The following DCAF8L2 variants were observed in gnomAD, a reference collection of about 807,000 sequenced individuals.
The protein encoded by DCAF8L2 is DDB1 and CUL4 associated factor 8 like 2.
For missense variants in DCAF8L2, 430 were observed against 490.7 expected (o/e 0.88, Z 1.17); for synonymous variants, 200 against 190.9 (o/e 1.05, Z -0.39).
At chrX:27,644,603 C>T (rs949408447) in intron 2 of DCAF8L2, among the ~76,000 whole-genome samples, 2 of 110,446 alleles carry the variant, frequency 1.8e-5, no homozygotes, top group South Asian at 8.1e-4. Context: ...TAAGGGGAAG[C>T]CACAGGAGCC....
At chrX:27,624,801 T>C (rs1029950380) in intron 1 of DCAF8L2, among the ~76,000 whole-genome samples, 18 of 111,722 alleles carry the variant, frequency 1.6e-4, no homozygotes, top group African/African-American at 5.5e-4. Flanking sequence ...TGGCTAGTTA[T>C]ATGCAGAAAA....
At chrX:27,566,395 G>C in the DCAF8L2 span, among the ~76,000 whole-genome samples, 424 of 110,904 alleles carry the variant, frequency 3.8e-3, no homozygotes, top group Middle Eastern at 0.014. Context: ...TGAAATTTTT[G>C]ATTAGTGATT....
At chrX:27,495,426 T>C in the DCAF8L2 span, among the ~76,000 whole-genome samples, 1 of 111,891 alleles carries the variant, frequency 8.9e-6, no homozygotes, top group South Asian at 3.7e-4. Flanking sequence ...ATATCAGCTC[T>C]TCCATTTCTC....
chrX:27,735,985 A>T (rs902861343), intron 4 of DCAF8L2, among the ~76,000 whole-genome samples: 6 of 112,175 alleles, frequency 5.3e-5, no homozygotes, highest in African/African-American at 1.9e-4. Flanking sequence ...AACAAATATT[A>T]GAATATACTA....
the DCAF8L2 span, among the ~76,000 whole-genome samples, chrX:27,514,691 A>AAC: frequency 1.3e-5 from 1 of 76,099 alleles, no homozygotes; most frequent in Admixed American, 1.3e-4. Context: ...AAAAAAAAAA[A>AAC]AAAACAAAAA....
intron 2 of DCAF8L2, among the ~76,000 whole-genome samples, chrX:27,670,788 A>G (rs1929925422): frequency 9.1e-6 from 1 of 110,348 alleles, no homozygotes; most frequent in Admixed American, 9.7e-5. Context: ...GGAACTGGTT[A>G]TTGGAAAGAG....
the DCAF8L2 span, among the ~76,000 whole-genome samples, chrX:27,523,916 C>T: frequency 1.8e-5 from 2 of 111,083 alleles, no homozygotes; most frequent in African/African-American, 6.6e-5. Context: ...TGGTTTCCAG[C>T]TTCATTCCGT....
chrX:27,525,393 C>T, the DCAF8L2 span, among the ~76,000 whole-genome samples: 1 of 111,457 alleles, frequency 9.0e-6, no homozygotes, highest in Non-Finnish European at 1.9e-5. Flanking sequence ...GTAGATCTTC[C>T]TCCATCCCTT....
intron 1 of DCAF8L2, among the ~76,000 whole-genome samples, chrX:27,612,925 A>T (rs1235099871): frequency 9.0e-6 from 1 of 111,660 alleles, no homozygotes; most frequent in Admixed American, 9.5e-5. Flanking sequence ...TTGTCTTGGC[A>T]ATGTGGGCTC....
intron 1 of DCAF8L2, among the ~76,000 whole-genome samples, chrX:27,607,340 T>C (rs1331519960): frequency 9.0e-6 from 1 of 111,413 alleles, no homozygotes; most frequent in Non-Finnish European, 1.9e-5. Flanking sequence ...CATTACCAAA[T>C]GGTACCAGAA....
intron 3 of DCAF8L2, among the ~76,000 whole-genome samples, chrX:27,689,241 T>G (rs773018866): frequency 8.9e-6 from 1 of 111,969 alleles, no homozygotes; most frequent in East Asian, 2.8e-4. Flanking sequence ...ATTGACTGAT[T>G]GATTGATTGA....
chrX:27,567,392 T>A, the DCAF8L2 span, among the ~76,000 whole-genome samples: 1 of 106,762 alleles, frequency 9.4e-6, no homozygotes, highest in African/African-American at 3.4e-5. Context: ...ATTTACTTTA[T>A]ATTTTGGGTG....
At chrX:27,517,529 A>G in the DCAF8L2 span, among the ~76,000 whole-genome samples, 1 of 111,225 alleles carries the variant, frequency 9.0e-6, no homozygotes, top group African/African-American at 3.3e-5. Flanking sequence ...AGAATGTGAA[A>G]GGAAGCAATG....
intron 1 of DCAF8L2, among the ~76,000 whole-genome samples, chrX:27,599,523 G>A (rs1363588966): frequency 9.0e-6 from 1 of 111,001 alleles, no homozygotes; most frequent in Non-Finnish European, 1.9e-5. Flanking sequence ...CTCCTGTTAG[G>A]TATTTTTACA....
chrX:27,653,783 T>C (rs946860402), intron 2 of DCAF8L2, among the ~76,000 whole-genome samples: 1 of 108,189 alleles, frequency 9.2e-6, no homozygotes, highest in Admixed American at 1.0e-4. Context: ...CCAGGAAGAT[T>C]TTAATGTCTC....
At chrX:27,528,806 T>C in the DCAF8L2 span, among the ~76,000 whole-genome samples, 63 of 111,208 alleles carry the variant, frequency 5.7e-4, no homozygotes, top group Middle Eastern at 0.023. Context: ...TTCAGTTAGG[T>C]ATAATACTAT....
At position 27,747,282 on chromosome X, in the gene DCAF8L2, AGAG is replaced by A. The variant is rs745536197; in HGVS notation, c.432_434del (p.Glu147del). 59,587 of 868,012 alleles carry A rather than the reference AGAG, an allele frequency of 0.069. 486 individuals are homozygous for A. Among genetic ancestry groups the A allele is most frequent in the East Asian group, 0.14 (3,488 of 25,594 alleles). The allele number at this position is 868,012 out of a possible 1,213,427, so 71.5% of individuals were successfully genotyped here. On this transcript the variant is annotated inframe_deletion, in exon 5 of 5. Transcript: ENST00000451261. ...AAGAGGAGGGAGGGGAGGAGGAGGA[AGAG>A]GAGGAGGAGGAGGAGGAGGAGGAGG...
chrX:27,497,549 C>CTTTCTTTCT, the DCAF8L2 span, among the ~76,000 whole-genome samples: 10 of 64,446 alleles, frequency 1.6e-4, no homozygotes, highest in African/African-American at 6.1e-4. Context: ...TCCTTCCTTC[C>CTTTCTTTCT]TTCTTTCTTT....
the DCAF8L2 span, chrX:27,518,252 G>T: frequency 2.3e-6 from 2 of 873,406 alleles, no homozygotes; most frequent in Non-Finnish European, 3.4e-6. Flanking sequence ...CATAAGCCAG[G>T]CTACCTGGCT....
Sources: allele counts gnomAD v4.1 joint callset (sites outside exome capture counted in the v4.1 genomes callset), GRCh38; gene constraint gnomAD v4.1.1; transcripts MANE v1.5; gene names NCBI Gene and HGNC (gene_info 2026-07-23, HGNC 2026-07-21).